The following NKD1 variants were observed in gnomAD, a reference collection of about 807,000 sequenced individuals.
NKD1 encodes the protein protein naked cuticle homolog 1.
In NKD1, 21 loss-of-function variants were observed where a neutral mutation model predicts 56.0. The ratio of observed to expected loss-of-function variants is 0.38; its 90% CI spans 0.27 to 0.54. The LOEUF is 0.54. NKD1 is among the 20% of genes least tolerant of loss of function. NKD1 has a pLI of 0.82. For synonymous variants in NKD1, 263 were observed against 265.7 expected (o/e 0.99, Z 0.10); for missense variants, 578 against 642.7 (o/e 0.90, Z 1.09).
intron 3 of NKD1, among the ~76,000 whole-genome samples, chr16:50,578,198 G>A (rs1412449892): frequency 3.3e-5 from 5 of 152,168 alleles, no homozygotes; most frequent in African/African-American, 1.2e-4. Context: ...GGGAATAAGA[G>A]AGTAGAAAAA....
At position 50,598,437 on chromosome 16, in the gene NKD1, G is replaced by A. The variant is rs542920879; in HGVS notation, c.193-9857G>A. Among the ~76,000 whole-genome samples the A allele has an allele frequency of 7.2e-5, 11 of 152,314 alleles. No homozygotes were observed. The highest frequency in any genetic ancestry group is 2.6e-4 in the African/African-American group (11 of 41,570). ...AATTCCAGGCTTCTTGGGTCCCCAAGCCCCTTCCCTGGGCAGGAGCACACA... is the reference window on the plus strand; with the variant it reads ...AATTCCAGGCTTCTTGGGTCCCCAAACCCCTTCCCTGGGCAGGAGCACACA... On this transcript the variant is annotated intron_variant, in intron 3 of 9. Coordinates refer to ENST00000268459, the MANE Select transcript of NKD1 (RefSeq NM_033119.5). This position sits in a 1 kb window ranked among gnomAD's most constrained non-coding sequence, Gnocchi z 4.2.
intron 3 of NKD1, among the ~76,000 whole-genome samples, chr16:50,559,689 C>G (rs1960580892): frequency 6.6e-6 from 1 of 152,114 alleles, no homozygotes; most frequent in Admixed American, 6.5e-5. Context: ...TGTCTGTGGA[C>G]TCCAGCTTTC....
intron 3 of NKD1, chr16:50,574,157 A>C: frequency 3.2e-6 from 3 of 951,046 alleles, no homozygotes; most frequent in Non-Finnish European, 3.8e-6. Flanking sequence ...GCTGGATCCA[A>C]ATGCAGGACT....
In NKD1 at chr16:50,633,773, C is replaced by A. The variant is rs1025402743; in HGVS notation, c.1405C>A (p.Gln469Lys). The change falls in exon 10 of 10, where the codon CAG becomes AAG. Residue 469 changes from glutamine to lysine, a missense_variant. Transcript: ENST00000268459. This position sits in a 1 kb window ranked among gnomAD's most constrained non-coding sequence, Gnocchi z 4.9. ...EHHHHYHHFY[Q>K]T is the part of the protein sequence containing the mutation. ...TCACCACCATTACCACCACTTCTAC[C>A]AGACATAGAGCCCCTCCCCAGGGCC... The A allele has an allele frequency of 6.1e-6, 9 of 1,485,628 alleles. No homozygotes were observed. The highest frequency in any genetic ancestry group is 8.1e-6 in the Non-Finnish European group (9 of 1,106,622). 92.0% of individuals were successfully genotyped at this position (1,485,628 alleles called of 1,614,324 possible).
At position 50,636,864 on chromosome 16, in the gene NKD1, A is replaced by G. The variant is rs1962478660; in HGVS notation, c.*3083A>G. On this transcript the variant is annotated 3_prime_UTR_variant, in exon 10 of 10. Coordinates refer to ENST00000268459, the MANE Select transcript of NKD1 (RefSeq NM_033119.5). ...ATTTTGCAATATTTATTTCGGATCT[A>G]TTTTTAAGGGGGGGAACCCTGCAGT... The G allele has an allele frequency of 6.6e-6, 1 of 152,132 alleles. No homozygotes were observed. Among genetic ancestry groups the G allele is most frequent in the South Asian group, 2.1e-4 (1 of 4,824 alleles). The allele number at this position is 152,132 out of a possible 1,614,324, so 9.4% of individuals were successfully genotyped here.
chr16:50,638,799 A>G lies in NKD1; in HGVS notation c.*5018A>G, dbSNP rs1370517511. 1 of 152,248 alleles carries G rather than the reference A, an allele frequency of 6.6e-6. No homozygotes were observed. The highest frequency in any genetic ancestry group is 2.4e-5 in the African/African-American group (1 of 41,454). The allele number at this position is 152,248 out of a possible 1,614,324, so 9.4% of individuals were successfully genotyped here. On this transcript the variant is annotated 3_prime_UTR_variant, in exon 10 of 10. Transcript: ENST00000268459. Reference sequence around the variant, plus strand: ...GAATAGGTGAGACCCATTTGCCAGTAGCAGACGGGGACCCTGGGGAGAAAA... The same window carrying G: ...GAATAGGTGAGACCCATTTGCCAGTGGCAGACGGGGACCCTGGGGAGAAAA...
chr16:50,632,225 G>T lies in NKD1; in HGVS notation c.696-56G>T. 6.3e-7 allele frequency: 1 copy of T among 1,596,210 alleles called. No individual in the cohort carries two copies. The highest frequency in any genetic ancestry group is 8.6e-7 in the Non-Finnish European group (1 of 1,166,024). On this transcript the variant is annotated intron_variant, in intron 8 of 9. Coordinates refer to ENST00000268459, the MANE Select transcript of NKD1 (RefSeq NM_033119.5). This position sits in a 1 kb window ranked among gnomAD's most constrained non-coding sequence, Gnocchi z 4.1. ...CTGGGGGCTTCCTAGTAGCCTATGC[G>T]CTTGCCCCCACCTGGTGGTTGGTGT...
chr16:50,573,837 C>T (rs904030483), intron 3 of NKD1: 36 of 985,360 alleles, frequency 3.7e-5, no homozygotes, highest in Non-Finnish European at 4.3e-5. Flanking sequence ...TTGGGCTGGC[C>T]TCAGCCACAG....
chr16:50,560,787 G>A (rs1458678024), intron 3 of NKD1, among the ~76,000 whole-genome samples: 1 of 151,262 alleles, frequency 6.6e-6, no homozygotes, highest in Non-Finnish European at 1.5e-5. Flanking sequence ...TAAAAAAAAT[G>A]TATACACACA....
At position 50,644,736 on chromosome 16, in the gene NKD1, T is replaced by C. The variant is rs961865630; in HGVS notation, c.*10955T>C. On this transcript the variant is annotated 3_prime_UTR_variant, in exon 10 of 10. Transcript: ENST00000268459. ...ATCACCTGATTCTGTTTCCTCTGAC[T>C]CTGTCCTCAAAAGGCAGCATCTGAT... The C allele has an allele frequency of 1.5e-4, 23 of 152,376 alleles. No homozygotes were observed. Among genetic ancestry groups the C allele is most frequent in the Admixed American group, 1.4e-3 (21 of 15,308 alleles). 9.4% of individuals were successfully genotyped at this position (152,376 alleles called of 1,614,324 possible).
intron 3 of NKD1, among the ~76,000 whole-genome samples, chr16:50,601,524 C>T (rs368480752): frequency 2.6e-5 from 4 of 152,338 alleles, no homozygotes; most frequent in South Asian, 2.1e-4. Flanking sequence ...GAAGGCTGGG[C>T]CTGAGGCTGG....
chr16:50,593,708 A>G lies in NKD1; in HGVS notation c.193-14586A>G, dbSNP rs527808113. 5.3e-5 allele frequency among the ~76,000 whole-genome samples: 8 copies of G among 152,288 alleles called. No individual in the cohort carries two copies. The South Asian group carries it at 1.7e-3, about 32-fold the overall frequency. ...AGGAATGGAGGGGCAGGGTTTCCAG[A>G]TAAAATATAGGACACACAGTTAAAT... On this transcript the variant is annotated intron_variant, in intron 3 of 9. Transcript: ENST00000268459.
chr16:50,571,726 A>G (rs1248848025), intron 3 of NKD1, among the ~76,000 whole-genome samples: 1 of 152,068 alleles, frequency 6.6e-6, no homozygotes, highest in East Asian at 1.9e-4. Context: ...CTAAGCCATC[A>G]TCCTGTTGCT....
At chr16:50,620,971 T>C (rs1596750419) in intron 4 of NKD1, among the ~76,000 whole-genome samples, 3 of 152,100 alleles carry the variant, frequency 2.0e-5, no homozygotes, top group Admixed American at 2.0e-4. Flanking sequence ...TGTGTGTGCA[T>C]GTGTGAGTGT....
Position 50,561,486 on chromosome 16 carries a change from T to A in NKD1, c.192+11931T>A, listed in dbSNP as rs79147304. On this transcript the variant is annotated intron_variant, in intron 3 of 9. Transcript: ENST00000268459. ...TTGGACCAAGCCTGGGAGGGTCAAC[T>A]TGTCTGTGGCTCCATGTAGCACAGT... Among the ~76,000 whole-genome samples the A allele has an allele frequency of 2.9e-3, 448 of 152,058 alleles. 3 individuals are homozygous for A. Among genetic ancestry groups the A allele is most frequent in the East Asian group, 0.01 (54 of 5,170 alleles).
intron 3 of NKD1, chr16:50,571,405 G>A: frequency 1.2e-6 from 1 of 825,288 alleles, no homozygotes. Context: ...GGCTTTGGGG[G>A]TTGGTAGGGA....
intron 3 of NKD1, among the ~76,000 whole-genome samples, chr16:50,603,511 G>GTACATTC (rs1336470310): frequency 6.6e-6 from 1 of 152,232 alleles, no homozygotes; most frequent in Non-Finnish European, 1.5e-5. Flanking sequence ...TCCCAACCCT[G>GTACATTC]TACATTCTTG....
intron 3 of NKD1, chr16:50,556,171 CT>C (rs2151262495): frequency 6.6e-6 from 1 of 152,420 alleles, no homozygotes; most frequent in East Asian, 1.9e-4. Flanking sequence ...ATGGCTTCGA[CT>C]CTCTGTGTGA....
Position 50,630,229 on chromosome 16 carries a change from C to A in NKD1, c.506C>A (p.Ser169Tyr), listed in dbSNP as rs1962312171. ...CACACCATCTATGAGGTGGTGGACT[C>A]CTCTGTCAACCACTCCCCAACATCC... is the stretch of plus-strand genomic sequence containing the variant. ...LLHTIYEVVDSSVNHSPTSSK... is the reference protein window; with the variant it reads ...LLHTIYEVVDYSVNHSPTSSK... Residue 169 changes from serine to tyrosine, a missense_variant, in exon 7 of 10, where the codon TCC becomes TAC. Physicochemically the swap from Ser to Tyr is moderately radical, Grantham distance 144. Coordinates refer to ENST00000268459, the MANE Select transcript of NKD1 (RefSeq NM_033119.5). 5 of 1,613,814 alleles carry A rather than the reference C, an allele frequency of 3.1e-6. No homozygotes were observed. The highest frequency in any genetic ancestry group is 4.2e-6 in the Non-Finnish European group (5 of 1,179,704).
Sources: allele counts gnomAD v4.1 joint callset (sites outside exome capture counted in the v4.1 genomes callset), GRCh38; gene constraint gnomAD v4.1.1; non-coding constraint Gnocchi (gnomAD v3.1); transcripts MANE v1.5; gene names NCBI Gene and HGNC (gene_info 2026-07-23, HGNC 2026-07-21).